SYT16: variants seen among roughly 807,000 people sequenced by gnomAD.
The protein encoded by SYT16 is synaptotagmin 16.
SYT16 carries 42 observed loss-of-function variants against 61.4 expected under a neutral mutation model. The ratio of observed to expected loss-of-function variants is 0.68; its 90% confidence interval spans 0.53 to 0.89. The LOEUF (loss-of-function observed/expected upper bound fraction) is 0.89. Among genes scored for constraint, SYT16 ranks in the 40% least tolerant of loss-of-function variants. The pLI, the probability that SYT16 is intolerant of heterozygous loss-of-function variation, is 0.00. For synonymous variants in SYT16, 314 were observed against 302.3 expected, an observed-to-expected ratio of 1.04 and a Z score of -0.40; for missense variants, 804 against 807.3, an observed-to-expected ratio of 1.00 and a Z score of 0.05.
At chr14:62,092,140 A>C (rs2057099085) in intron 7 of SYT16, among the ~76,000 whole-genome samples, 1 of 150,790 alleles carries the variant, frequency 6.6e-6, no homozygotes, top group Non-Finnish European at 1.5e-5. Flanking sequence ...CTACAGTGAG[A>C]TACCACCTCA....
At chr14:62,017,859 G>A (rs567289964) in intron 3 of SYT16, among the ~76,000 whole-genome samples, 4 of 152,084 alleles carry the variant, frequency 2.6e-5, no homozygotes, top group African/African-American at 9.6e-5. Flanking sequence ...GACTACAGGT[G>A]CACACCATGA....
At chr14:62,016,352 T>G (rs2053675951) in intron 3 of SYT16, among the ~76,000 whole-genome samples, 1 of 152,048 alleles carries the variant, frequency 6.6e-6, no homozygotes, top group South Asian at 2.1e-4. Flanking sequence ...TTTAATAAGA[T>G]CATCATCATT....
chr14:61,872,481 C>A (rs2047361545), intron 1 of SYT16, among the ~76,000 whole-genome samples: 1 of 152,070 alleles, frequency 6.6e-6, no homozygotes, highest in Non-Finnish European at 1.5e-5. Context: ...CTTAATACAG[C>A]CAATTTGAAG....
chr14:61,900,113 G>A (rs2048459498), intron 1 of SYT16, among the ~76,000 whole-genome samples: 1 of 151,704 alleles, frequency 6.6e-6, no homozygotes, highest in Non-Finnish European at 1.5e-5. Flanking sequence ...CAGCCCACAG[G>A]TAGTGACTTT....
At chr14:61,982,129 A>G (rs1417451001) in intron 2 of SYT16, among the ~76,000 whole-genome samples, 17 of 152,134 alleles carry the variant, frequency 1.1e-4, no homozygotes, top group African/African-American at 2.4e-5. Flanking sequence ...GAGCCATTCT[A>G]TGTTTGAAAT....
chr14:62,085,451 C>G (rs965518960), intron 7 of SYT16, among the ~76,000 whole-genome samples: 1 of 152,030 alleles, frequency 6.6e-6, no homozygotes, highest in African/African-American at 2.4e-5. Context: ...ACCATGGGCA[C>G]CAAACTGTTA....
chr14:61,960,691 T>C (rs1353999129), intron 1 of SYT16, among the ~76,000 whole-genome samples: 1 of 152,212 alleles, frequency 6.6e-6, no homozygotes, highest in Non-Finnish European at 1.5e-5. Flanking sequence ...ATGCTCTTTT[T>C]TTCTTTCTCT....
At chr14:61,964,058 A>G (rs185050363) in intron 1 of SYT16, among the ~76,000 whole-genome samples, 54 of 152,314 alleles carry the variant, frequency 3.5e-4, no homozygotes, top group African/African-American at 1.3e-3. Context: ...GCACCTGGTC[A>G]TGCAAGAGCT....
At chr14:61,921,420 A>G (rs936336117) in intron 1 of SYT16, among the ~76,000 whole-genome samples, 1 of 152,190 alleles carries the variant, frequency 6.6e-6, no homozygotes, top group African/African-American at 2.4e-5. Flanking sequence ...ACTAATCATA[A>G]GCAAGGGGAC....
chr14:62,077,021 A>G (rs905127200), intron 5 of SYT16, among the ~76,000 whole-genome samples: 5 of 152,214 alleles, frequency 3.3e-5, no homozygotes, highest in Admixed American at 1.3e-4. Context: ...CTACAGTAGA[A>G]CCTCAAATCC....
At chr14:61,835,893 C>G (rs891048976) in intron 1 of SYT16, among the ~76,000 whole-genome samples, 20 of 152,162 alleles carry the variant, frequency 1.3e-4, no homozygotes, top group Non-Finnish European at 2.9e-5. Flanking sequence ...CTTTTCCTGT[C>G]TTTCTCAATT....
In SYT16 at chr14:62,047,117, T is replaced by C. The variant is rs146204056; in HGVS notation, c.524-22486T>C. Among the ~76,000 whole-genome samples the C allele has an allele frequency of 7.6e-3, 1,162 of 152,286 alleles. 9 individuals are homozygous for C. The highest frequency in any genetic ancestry group is 0.012 in the Non-Finnish European group (809 of 68,006). ...AATGTTTGTATCCTCTTTCATTGTATTGTATCTTGTATTGTATCCTCTTTT... is the reference window on the plus strand; with the variant it reads ...AATGTTTGTATCCTCTTTCATTGTACTGTATCTTGTATTGTATCCTCTTTT... On this transcript the variant is annotated intron_variant, in intron 3 of 7. Transcript: ENST00000683842.
intron 1 of SYT16, among the ~76,000 whole-genome samples, chr14:61,858,069 G>A (rs933439560): frequency 4.0e-5 from 5 of 126,340 alleles, no homozygotes; most frequent in Admixed American, 1.1e-4. Flanking sequence ...CACAGTGTAA[G>A]CATGTACTAT....
chr14:61,956,192 T>C (rs1319121534), intron 1 of SYT16, among the ~76,000 whole-genome samples: 3 of 151,974 alleles, frequency 2.0e-5, no homozygotes, highest in African/African-American at 7.2e-5. Flanking sequence ...TATGTATTTT[T>C]AATATTAATC....
At chr14:62,039,196 C>T (rs1483207649) in intron 3 of SYT16, among the ~76,000 whole-genome samples, 2 of 152,184 alleles carry the variant, frequency 1.3e-5, no homozygotes, top group Non-Finnish European at 2.9e-5. Context: ...TCAGCTAATG[C>T]TTTCAGTGTG....
At chr14:61,921,793 C>T (rs1274973854) in intron 1 of SYT16, among the ~76,000 whole-genome samples, 1 of 152,128 alleles carries the variant, frequency 6.6e-6, no homozygotes, top group Non-Finnish European at 1.5e-5. Context: ...CAGGCTGTCA[C>T]CTATGGGGCA....
At chr14:62,057,986 A>G (rs1481293975) in intron 3 of SYT16, among the ~76,000 whole-genome samples, 3 of 152,110 alleles carry the variant, frequency 2.0e-5, no homozygotes, top group Admixed American at 6.5e-5. Flanking sequence ...CTGTCACTAT[A>G]TATTATTTTG....
intron 1 of SYT16, among the ~76,000 whole-genome samples, chr14:61,908,726 G>A (rs2048815403): frequency 6.6e-6 from 1 of 152,142 alleles, no homozygotes; most frequent in African/African-American, 2.4e-5. Context: ...AGAGATACAG[G>A]ATTTTTTGGT....
At chr14:62,001,342 T>C (rs1041652805) in intron 3 of SYT16, among the ~76,000 whole-genome samples, 18 of 152,142 alleles carry the variant, frequency 1.2e-4, no homozygotes, top group Admixed American at 1.2e-3. Flanking sequence ...TTCTCAATTA[T>C]TTGAAAAATA....
Sources: allele counts gnomAD v4.1 joint callset (sites outside exome capture counted in the v4.1 genomes callset), GRCh38; gene constraint gnomAD v4.1.1; transcripts MANE v1.5; gene names NCBI Gene and HGNC (gene_info 2026-07-23, HGNC 2026-07-21).